CAPRIN2: variants seen among roughly 807,000 people sequenced by gnomAD.
CAPRIN2 encodes caprin family member 2, also known as caprin-2.
In CAPRIN2, 66 loss-of-function variants were observed where a neutral mutation model predicts 130.4. The ratio of observed to expected loss-of-function variants is 0.51; its 90% CI spans 0.42 to 0.62. The LOEUF is 0.62. Ranked by LOEUF, CAPRIN2 falls within the 20% of genes least tolerant of loss-of-function variation. The pLI is 0.00. For synonymous variants in CAPRIN2, 471 were observed against 444.1 expected (o/e 1.06, Z -0.76); for missense variants, 1,185 against 1,246.6 (o/e 0.95, Z 0.74).
chr12:30,720,103 T>TA (rs2058923980), intron 12 of CAPRIN2: 1 of 152,164 alleles, frequency 6.6e-6, no homozygotes. Flanking sequence ...TTTATTTATT[T>TA]TTTTTGAGAT....
intron 9 of CAPRIN2, among the ~76,000 whole-genome samples, chr12:30,724,809 G>C (rs111898437): frequency 0.011 from 1,675 of 152,092 alleles, 23 homozygotes; most frequent in African/African-American, 0.038. Flanking sequence ...TGGAAAAAAA[G>C]CGAGACCTTG....
At chr12:30,746,254 G>C (rs1457629057) in intron 2 of CAPRIN2, among the ~76,000 whole-genome samples, 4 of 152,166 alleles carry the variant, frequency 2.6e-5, no homozygotes, top group South Asian at 4.1e-4. Context: ...CCATAGAGCT[G>C]GGTGCAGTGA....
Position 30,710,192 on chromosome 12 carries a change from G to A in CAPRIN2, c.2944C>T (p.Leu982Phe), listed in dbSNP as rs774768463. ...GGGCAATTAAATCTACCAAGCTGAA[G>A]ATCAAAAGTTTCTCCTAAGTTGTTC... Residue 982 changes from leucine (L) to phenylalanine (F), a missense_variant, in exon 17 of 17, where the codon CTT (leucine) becomes TTT (phenylalanine). Physicochemically the swap from Leu to Phe is conservative, Grantham distance 22. Around this residue, in one of 2 missense-constraint regions of CAPRIN2, gnomAD observed 81 missense variants for 142.2 expected, o/e 0.57. Transcript: ENST00000298892. This position sits in a 1 kb window ranked among gnomAD's most constrained non-coding sequence, Gnocchi z 4.8. 16 of 1,614,054 alleles carry A rather than the reference G, an allele frequency of 9.9e-6. No homozygotes were observed. The highest frequency in any genetic ancestry group is 1.4e-5 in the Non-Finnish European group (16 of 1,180,040).
exon 1 of CAPRIN2, chr12:30,753,382 A>G (rs772833219): frequency 6.2e-7 from 1 of 1,613,508 alleles, no homozygotes. Flanking sequence ...TGTTTAAGGC[A>G]TATGAGTCCA....
In CAPRIN2 at chr12:30,716,554, T is replaced by C. The variant is rs375341933; in HGVS notation, c.2271A>G (p.Gln757=). 7.4e-6 allele frequency: 12 copies of C among 1,613,872 alleles called. No homozygotes were observed. The African/African-American group carries it at 1.2e-4, about 16-fold the overall frequency. The change falls in exon 13 of 17, where the codon CAA becomes CAG. Residue 757 remains glutamine, a synonymous_variant. Coordinates refer to ENST00000298892, the Ensembl canonical transcript of CAPRIN2. ...TTTGTTCTACATGTATAGATGGCAG[T>C]TGGCACTGGGGTGGTGTTTGTGTAC...
At chr12:30,738,804 G>A (rs1311800587) in intron 3 of CAPRIN2, among the ~76,000 whole-genome samples, 1 of 152,160 alleles carries the variant, frequency 6.6e-6, no homozygotes, top group Non-Finnish European at 1.5e-5. Flanking sequence ...ATGATAAAAA[G>A]CTCAACATCA....
At chr12:30,720,862 A>C in exon 12 of CAPRIN2, 2 of 1,613,900 alleles carry the variant, frequency 1.2e-6, no homozygotes, top group Non-Finnish European at 1.7e-6. Flanking sequence ...AAGAAGCCTG[A>C]TCGGTAGTAA....
chr12:30,733,678 G>C lies in CAPRIN2; in HGVS notation c.843C>G (p.Tyr281Ter), dbSNP rs2063492971. 6.2e-7 allele frequency: 1 copy of C among 1,613,420 alleles called. No individual in the cohort carries two copies. The highest frequency in any genetic ancestry group is 8.5e-7 in the Non-Finnish European group (1 of 1,179,566). ...CACTACCTTCCAAAAGGTCCCAAAA[G>C]TACAAGGATGACTGCTCCATCTGGT... Residue 281 changes from tyrosine to a stop codon, truncating the protein, a stop_gained, in exon 5 of 17, where the codon TAC becomes TAG. Coordinates refer to ENST00000298892, the Ensembl canonical transcript of CAPRIN2. LOFTEE classifies it high-confidence loss of function.
chr12:30,734,849 A>AACACAC (rs10557103), intron 4 of CAPRIN2, 119 bp downstream of exon 5: 1,459 of 626,506 alleles, frequency 2.3e-3, no homozygotes, highest in Admixed American at 6.8e-3. Context: ...CCCCCTCTCT[A>AACACAC]ACACACACAC....
chr12:30,713,819 G>A (rs757155684), exon 15 of CAPRIN2: 1 of 1,609,984 alleles, frequency 6.2e-7, no homozygotes, highest in African/African-American at 1.3e-5. Context: ...ATACTCTCTA[G>A]CTTGGAACTG....
chr12:30,742,680 G>A (rs1210575136), intron 2 of CAPRIN2, among the ~76,000 whole-genome samples: 1 of 137,542 alleles, frequency 7.3e-6, no homozygotes, highest in Non-Finnish European at 1.6e-5. Context: ...ACTCTAACAG[G>A]GCAGCAAAAA....
At chr12:30,744,252 T>C (rs1181570809) in intron 2 of CAPRIN2, among the ~76,000 whole-genome samples, 1 of 152,178 alleles carries the variant, frequency 6.6e-6, no homozygotes, top group Non-Finnish European at 1.5e-5. Flanking sequence ...GGCAACTCTT[T>C]TCTAATTTCC....
intron 15 of CAPRIN2, among the ~76,000 whole-genome samples, chr12:30,712,733 CTTTTTTTTTTTTT>C (rs754373140): frequency 9.3e-6 from 1 of 107,290 alleles, no homozygotes; most frequent in Non-Finnish European, 1.8e-5. Context: ...GTTTTCCACT[CTTTTTTTTTTTTT>C]TTTTTTTTTT....
At chr12:30,728,773 C>T in exon 8 of CAPRIN2, 1 of 1,614,060 alleles carries the variant, frequency 6.2e-7, no homozygotes. Flanking sequence ...TTTTGACTCT[C>T]AACATTGTTT....
At chr12:30,726,196 C>A in intron 8 of CAPRIN2, 108 bp from the exon 10 acceptor site, 1 of 903,662 alleles carries the variant, frequency 1.1e-6, no homozygotes, top group East Asian at 3.1e-5. Flanking sequence ...CAGCAATGTT[C>A]ACTTATCACA....
chr12:30,721,070 T>G (rs929725390), intron 11 of CAPRIN2, among the ~76,000 whole-genome samples, 155 bp from the exon 13 acceptor site: 1 of 152,256 alleles, frequency 6.6e-6, no homozygotes, highest in Non-Finnish European at 1.5e-5. Flanking sequence ...TATTTAATCC[T>G]AACAGTAATC....
rs374860817 is a variant in CAPRIN2 at position 30,747,798 on chromosome 12, T to C, written c.483+3273A>G. On this transcript the variant is annotated intron_variant, in intron 2 of 16. Coordinates refer to ENST00000298892, the Ensembl canonical transcript of CAPRIN2. ...TTTCTGGAAAATATTCCCTACATTC[T>C]AGATGTCATTAAGAACATTTGTGAT... 6.0e-4 allele frequency among the ~76,000 whole-genome samples: 92 copies of C among 152,314 alleles called. 2 individuals carry two copies. The highest frequency in any genetic ancestry group is 2.1e-3 in the African/African-American group (87 of 41,556).
intron 3 of CAPRIN2, 38 bp from the exon 5 acceptor site, chr12:30,735,244 C>G (rs758247931): frequency 2.7e-6 from 4 of 1,475,534 alleles, no homozygotes; most frequent in Non-Finnish European, 1.9e-6. Flanking sequence ...TAACAATTCT[C>G]TACCATCCCA....
exon 1 of CAPRIN2, chr12:30,753,826 C>A: frequency 6.8e-7 from 1 of 1,469,868 alleles, no homozygotes; most frequent in African/African-American, 1.4e-5. Flanking sequence ...GGCAAAATCT[C>A]CCAATACGGA....
Sources: gnomAD v4.1 joint callset for allele counts (sites outside exome capture counted in the v4.1 genomes callset) on GRCh38, gnomAD v4.1.1 for gene constraint, gnomAD v4.1.1 regional missense constraint, Gnocchi (gnomAD v3.1) non-coding constraint, MANE v1.5 for transcripts, NCBI Gene and HGNC (gene_info 2026-07-23, HGNC 2026-07-21) for gene names.